The following CHRM3 variants were observed in gnomAD, a reference collection of about 807,000 sequenced individuals.
The protein encoded by CHRM3 is muscarinic acetylcholine receptor M3.
Under a neutral mutation model 41.8 loss-of-function variants are expected in CHRM3, and 11 were observed. The ratio of observed to expected loss-of-function variants is 0.26; its 90% CI spans 0.17 to 0.44. The LOEUF (loss-of-function observed/expected upper bound fraction) is 0.44, where lower values mean the gene tolerates loss of function less well. Among genes scored for constraint, CHRM3 ranks in the 20% least tolerant of loss-of-function variants. The pLI is 1.00. For synonymous variants in CHRM3, 297 were observed against 301.4 expected (o/e 0.99, Z 0.15); for missense variants, 571 against 745.4 (o/e 0.77, Z 2.72).
chr1:239,670,774 C>T (rs1674285093), intron 4 of CHRM3, among the ~76,000 whole-genome samples: 1 of 147,844 alleles, frequency 6.8e-6, no homozygotes, highest in Non-Finnish European at 1.5e-5. Context: ...GTGATCTACC[C>T]CCCCCACCTC....
chr1:239,871,239 T>C (rs974686184), intron 6 of CHRM3, among the ~76,000 whole-genome samples: 1 of 152,090 alleles, frequency 6.6e-6, no homozygotes, highest in Non-Finnish European at 1.5e-5. Flanking sequence ...AGGATTGCCA[T>C]ATTATTATTA....
intron 5 of CHRM3, among the ~76,000 whole-genome samples, chr1:239,758,419 A>G (rs953994384): frequency 5.3e-5 from 8 of 152,152 alleles, no homozygotes; most frequent in African/African-American, 1.9e-4. Flanking sequence ...CCCCACCCCA[A>G]CAAACAAGGT....
intron 1 of CHRM3, among the ~76,000 whole-genome samples, chr1:239,477,053 G>T (rs1028889953): frequency 6.6e-6 from 1 of 152,290 alleles, no homozygotes; most frequent in Admixed American, 6.5e-5. Flanking sequence ...GTGCAAAATT[G>T]CTGAGCTAAA....
intron 5 of CHRM3, among the ~76,000 whole-genome samples, chr1:239,747,346 A>G (rs368647616): frequency 7.9e-5 from 12 of 152,318 alleles, no homozygotes; most frequent in African/African-American, 2.9e-4. Context: ...ACTTTGGATC[A>G]TAAATTCAGT....
intron 6 of CHRM3, among the ~76,000 whole-genome samples, chr1:239,859,395 G>GTTTT (rs370468669): frequency 6.9e-6 from 1 of 144,746 alleles, no homozygotes; most frequent in Non-Finnish European, 1.5e-5. Context: ...TTGTTGGCCT[G>GTTTT]TTTTTTTTGT....
intron 2 of CHRM3, among the ~76,000 whole-genome samples, chr1:239,529,668 G>C (rs1414232194): frequency 1.3e-5 from 2 of 148,726 alleles, no homozygotes; most frequent in African/African-American, 5.0e-5. Context: ...CAAAAGCCTT[G>C]TTAATTATCT....
At chr1:239,808,441 G>A (rs999417928) in intron 5 of CHRM3, among the ~76,000 whole-genome samples, 9 of 152,114 alleles carry the variant, frequency 5.9e-5, no homozygotes, top group East Asian at 3.9e-4. Flanking sequence ...CTGTGGGTAA[G>A]GGGACAGCTT....
At chr1:239,665,857 T>A (rs1673740916) in intron 4 of CHRM3, among the ~76,000 whole-genome samples, 1 of 152,216 alleles carries the variant, frequency 6.6e-6, no homozygotes. Context: ...TCATCCTTTT[T>A]TATGGTTGCA....
At chr1:239,715,955 C>T (rs1019580715) in intron 5 of CHRM3, among the ~76,000 whole-genome samples, 6 of 152,022 alleles carry the variant, frequency 3.9e-5, no homozygotes, top group Non-Finnish European at 8.8e-5. Context: ...TGTTGAAGAC[C>T]AGGGCTTTGT....
chr1:239,565,101 G>T (rs1661228656), intron 3 of CHRM3, among the ~76,000 whole-genome samples: 1 of 152,178 alleles, frequency 6.6e-6, no homozygotes, highest in African/African-American at 2.4e-5. Flanking sequence ...GGCGGGGTCA[G>T]ATCTCCCTCT....
intron 1 of CHRM3, among the ~76,000 whole-genome samples, chr1:239,465,161 A>G (rs1045705306): frequency 6.6e-6 from 1 of 152,180 alleles, no homozygotes; most frequent in African/African-American, 2.4e-5. Flanking sequence ...GAGCAAATCT[A>G]TTAAACACGC....
At chr1:239,580,704 T>TATATATATATATATATATACATACACAC (rs570878631) in intron 3 of CHRM3, among the ~76,000 whole-genome samples, 1 of 131,086 alleles carries the variant, frequency 7.6e-6, no homozygotes, top group Non-Finnish European at 1.6e-5. Context: ...TATATATATA[T>TATATATATATATATATATACATACACAC]ACACACACAC....
At chr1:239,548,537 T>C (rs1378234803) in intron 3 of CHRM3, among the ~76,000 whole-genome samples, 1 of 152,242 alleles carries the variant, frequency 6.6e-6, no homozygotes, top group Non-Finnish European at 1.5e-5. Context: ...TTCTTGTTTA[T>C]TTTTGCAATA....
chr1:239,588,629 A>G (rs1372275186), intron 3 of CHRM3, among the ~76,000 whole-genome samples: 1 of 152,198 alleles, frequency 6.6e-6, no homozygotes, highest in Non-Finnish European at 1.5e-5. Flanking sequence ...ACATATTTTT[A>G]ACTGTCTTAT....
At chr1:239,667,069 G>A (rs1033257163) in intron 4 of CHRM3, among the ~76,000 whole-genome samples, 6 of 152,098 alleles carry the variant, frequency 3.9e-5, no homozygotes, top group African/African-American at 1.4e-4. Context: ...CACTCTGTTA[G>A]CTGTTGTGCA....
At chr1:239,536,889 A>C (rs562252608) in intron 2 of CHRM3, among the ~76,000 whole-genome samples, 1 of 152,310 alleles carries the variant, frequency 6.6e-6, no homozygotes, top group Non-Finnish European at 1.5e-5. Flanking sequence ...TATATTTTGC[A>C]ACTGTTGATG....
At chr1:239,730,642 G>A (rs1290153470) in intron 5 of CHRM3, among the ~76,000 whole-genome samples, 1 of 151,960 alleles carries the variant, frequency 6.6e-6, no homozygotes, top group Non-Finnish European at 1.5e-5. Flanking sequence ...TGTTCTAGGA[G>A]CTGCAAGTTT....
intron 3 of CHRM3, among the ~76,000 whole-genome samples, chr1:239,585,333 G>C (rs1336087630): frequency 1.3e-5 from 2 of 152,118 alleles, no homozygotes; most frequent in Non-Finnish European, 2.9e-5. Context: ...TGTGTCCCCA[G>C]TAGGTGTGAG....
At chr1:239,544,697 C>T (rs886694824) in intron 2 of CHRM3, among the ~76,000 whole-genome samples, 1 of 151,742 alleles carries the variant, frequency 6.6e-6, no homozygotes, top group Admixed American at 6.6e-5. Context: ...GTGCCAGGCA[C>T]TATATTTCAA....
Sources: allele counts gnomAD v4.1 joint callset (sites outside exome capture counted in the v4.1 genomes callset), GRCh38; gene constraint gnomAD v4.1.1; transcripts MANE v1.5; gene names NCBI Gene and HGNC (gene_info 2026-07-23, HGNC 2026-07-21).